CSNK1E: variants seen among roughly 807,000 people sequenced by gnomAD.
CSNK1E encodes casein kinase 1 epsilon, also known as casein kinase I isoform epsilon.
In CSNK1E, 17 loss-of-function variants were observed where a neutral mutation model predicts 46.1. The ratio of observed to expected loss-of-function variants is 0.37; its 90% confidence interval spans 0.25 to 0.55. The LOEUF is 0.55. CSNK1E is among the 20% of genes least tolerant of loss of function. The probability of loss-of-function intolerance (pLI) is 0.82; values close to 1 mark genes in which losing one functional copy is unlikely to be tolerated. For missense variants in CSNK1E, 386 were observed against 595.4 expected, an observed-to-expected ratio of 0.65 and a Z score of 3.66; for synonymous variants, 241 against 242.6, an observed-to-expected ratio of 0.99 and a Z score of 0.06.
chr22:38,293,309 G>A lies in CSNK1E; in HGVS notation c.1229C>T (p.Pro410Leu), dbSNP rs757203185. 6.2e-7 allele frequency: 1 copy of A among 1,611,956 alleles called. No individual in the cohort carries two copies. Among genetic ancestry groups the A allele is most frequent in the South Asian group, 1.1e-5 (1 of 91,006 alleles). ...SRIPASQTSV[P>L]FDHLGK ...TCCTCACTTCCCGAGATGGTCAAAT[G>A]GCACACTTGTCTTTTGAGGGTGGGG... is the stretch of plus-strand genomic sequence containing the variant. The change falls in exon 10 of 11, where the codon CCA becomes CTA. Residue 410 changes from proline (P) to leucine (L), a missense_variant. Physicochemically the swap from Pro to Leu is moderately conservative, Grantham distance 98. Coordinates refer to ENST00000396832, the MANE Select transcript of CSNK1E (RefSeq NM_152221.3).
chr22:38,308,676 G>A (rs1425447921), intron 2 of CSNK1E, among the ~76,000 whole-genome samples: 1 of 152,118 alleles, frequency 6.6e-6, no homozygotes, highest in African/African-American at 2.4e-5. Context: ...CCCTAGGCTA[G>A]AGATGAGCCG....
At chr22:38,296,728 G>A (rs1366543145) in intron 7 of CSNK1E, 4 of 1,598,954 alleles carry the variant, frequency 2.5e-6, no homozygotes, top group East Asian at 4.5e-5. Context: ...AGTCTTGTGA[G>A]ACTCCATAAG....
chr22:38,301,108 T>A (rs1438336074), intron 4 of CSNK1E, among the ~76,000 whole-genome samples, 156 bp from the exon 5 acceptor site: 1 of 152,116 alleles, frequency 6.6e-6, no homozygotes, highest in Non-Finnish European at 1.5e-5. Flanking sequence ...GAAGGCCTCC[T>A]GGAAAATGTG....
chr22:38,317,434 G>C, upstream of CSNK1E: 1 of 93,760 alleles, frequency 1.1e-5, no homozygotes, highest in Non-Finnish European at 2.0e-5. Context: ...GCGCGCTCTC[G>C]CACCGCGCGC....
Position 38,298,751 on chromosome 22 carries a change from T to A in CSNK1E, c.885+35A>T, listed in dbSNP as rs2092655095. ...CTGAGTCAGGGCCTTCCCCATCCAGTCCCCCAAGCCCGCCTTGGCCTCCAG... is the reference window on the plus strand; with the variant it reads ...CTGAGTCAGGGCCTTCCCCATCCAGACCCCCAAGCCCGCCTTGGCCTCCAG... On this transcript the variant is annotated intron_variant, in intron 7 of 10. Coordinates refer to ENST00000396832, the MANE Select transcript of CSNK1E (RefSeq NM_152221.3). This position sits in a 1 kb window ranked among gnomAD's most constrained non-coding sequence, Gnocchi z 4.2. The A allele has an allele frequency of 9.3e-6, 15 of 1,611,958 alleles. No individual in the cohort carries two copies. Among genetic ancestry groups the A allele is most frequent in the Non-Finnish European group, 1.2e-5 (14 of 1,179,184 alleles).
intron 2 of CSNK1E, among the ~76,000 whole-genome samples, chr22:38,313,112 C>A (rs1370855259): frequency 6.6e-6 from 1 of 152,202 alleles, no homozygotes; most frequent in Non-Finnish European, 1.5e-5. Context: ...ATTTCATACT[C>A]CAAGGAACCC....
rs1233016609 is a variant in CSNK1E, at chr22:38,298,705, C to A, written c.885+81G>T. On this transcript the variant is annotated intron_variant, in intron 7 of 10. Coordinates refer to ENST00000396832, the MANE Select transcript of CSNK1E (RefSeq NM_152221.3). The surrounding 1 kb of genome is among the most constrained non-coding windows in gnomAD (Gnocchi z 4.2). ...TCCCGTCTGTCGGGAGCCCCTCCCG[C>A]CACCAGCTCACTCTGGCCCTCTGAG... 1 of 1,548,516 alleles carries A rather than the reference C, an allele frequency of 6.5e-7. No individual in the cohort carries two copies. Among genetic ancestry groups the A allele is most frequent in the Non-Finnish European group, 8.9e-7 (1 of 1,127,700 alleles).
Position 38,303,311 on chromosome 22 carries a change from C to T in CSNK1E, c.77-63G>A, listed in dbSNP as rs1461716484. 6.5e-6 allele frequency: 9 copies of T among 1,381,662 alleles called. No homozygotes were observed. Among genetic ancestry groups the T allele is most frequent in the Non-Finnish European group, 7.9e-6 (8 of 1,011,996 alleles). The allele number at this position is 1,381,662 out of a possible 1,614,324, so 85.6% of individuals were successfully genotyped here. ...TCAAAGGCCAGGCAGTCCCAGGCGCCCCACTAAGCATTTCTGAGATCTGGC... is the reference window on the plus strand; with the variant it reads ...TCAAAGGCCAGGCAGTCCCAGGCGCTCCACTAAGCATTTCTGAGATCTGGC... On this transcript the variant is annotated intron_variant, in intron 2 of 10. Coordinates refer to ENST00000396832, the MANE Select transcript of CSNK1E (RefSeq NM_152221.3). This position sits in a 1 kb window ranked among gnomAD's most constrained non-coding sequence, Gnocchi z 4.7.
At chr22:38,299,813 G>T in intron 6 of CSNK1E, 82 bp downstream of exon 6, 1 of 1,503,930 alleles carries the variant, frequency 6.6e-7, no homozygotes, top group Non-Finnish European at 9.0e-7. Context: ...TAGCCCCAGC[G>T]TGGGCTTTGT....
rs1344448570 is a variant in CSNK1E at position 38,303,791 on chromosome 22, AC to A, written c.77-544del. On this transcript the variant is annotated intron_variant, in intron 2 of 10. Coordinates refer to ENST00000396832, the MANE Select transcript of CSNK1E (RefSeq NM_152221.3). The surrounding 1 kb of genome is among the most constrained non-coding windows in gnomAD (Gnocchi z 4.7). ...AATCCAGTGTCTCATTCGATTCTCA[AC>A]CCCCTTGTAGAGATGAGAAAACAGA... is the stretch of plus-strand genomic sequence containing the variant. 6.6e-6 allele frequency among the ~76,000 whole-genome samples: 1 copy of A among 151,552 alleles called. No individual in the cohort carries two copies. Among genetic ancestry groups the A allele is most frequent in the Non-Finnish European group, 1.5e-5 (1 of 67,904 alleles).
In CSNK1E at chr22:38,298,894, C is replaced by T. The variant is rs1055427092; in HGVS notation, c.777G>A (p.Arg259=). The change falls in exon 7 of 11, where the codon CGG becomes CGA. Residue 259 remains arginine (R), a synonymous_variant. Coordinates refer to ENST00000396832, the MANE Select transcript of CSNK1E (RefSeq NM_152221.3). This position sits in a 1 kb window ranked among gnomAD's most constrained non-coding sequence, Gnocchi z 4.2. ...AAGAGTAGTCGGGCTTGTCGTCAAACCGCAGGGAGCGGCAGAAGTTGAGGT... is the reference window on the plus strand; with the variant it reads ...AAGAGTAGTCGGGCTTGTCGTCAAATCGCAGGGAGCGGCAGAAGTTGAGGT... The part of the protein sequence containing the change: ...STYLNFCRSL[R]FDDKPDYSYL... 1.2e-6 allele frequency: 2 copies of T among 1,614,076 alleles called. No homozygotes were observed. Among genetic ancestry groups the T allele is most frequent in the African/African-American group, 2.7e-5 (2 of 74,924 alleles).
chr22:38,300,930 T>G lies in CSNK1E; in HGVS notation c.359A>C (p.His120Pro). 6.2e-7 allele frequency: 1 copy of G among 1,613,480 alleles called. No individual in the cohort carries two copies. The highest frequency in any genetic ancestry group is 8.5e-7 in the Non-Finnish European group (1 of 1,179,830). ...DQMISRIEYI[H>P]SKNFIHRDVK... ...GTCCCGGTGGATGAAGTTCTTGGAG[T>G]GGATATACTCGATGCGGCTGATCTG... The change falls in exon 5 of 11, where the codon CAC (histidine) becomes CCC (proline). Residue 120 changes from histidine (H) to proline (P), a missense_variant. This residue lies in a region of CSNK1E where 212 missense variants were observed against 410.2 expected (regional missense o/e 0.52). Coordinates refer to ENST00000396832, the MANE Select transcript of CSNK1E (RefSeq NM_152221.3). This position sits in a 1 kb window ranked among gnomAD's most constrained non-coding sequence, Gnocchi z 4.4.
intron 2 of CSNK1E, among the ~76,000 whole-genome samples, chr22:38,306,825 G>A (rs905147836): frequency 6.6e-6 from 1 of 152,116 alleles, no homozygotes; most frequent in Non-Finnish European, 1.5e-5. Flanking sequence ...CGCATCTGCC[G>A]ATTCAACCAT....
At chr22:38,302,753 G>T in intron 4 of CSNK1E, 108 bp downstream of exon 4, 1 of 1,284,834 alleles carries the variant, frequency 7.8e-7, no homozygotes. Context: ...CAGTGGACAA[G>T]GTCCCCTGGC....
In CSNK1E at chr22:38,298,294, C is replaced by T; in HGVS notation, c.885+492G>A. On this transcript the variant is annotated intron_variant, in intron 7 of 10. Transcript: ENST00000396832. The surrounding 1 kb of genome is among the most constrained non-coding windows in gnomAD (Gnocchi z 4.2). Reference sequence around the variant, plus strand: ...GGCCAATGCTGCTCCCCACCCAACCCCACCCCTGGGACTCTTAAAAGAGGG... The same window carrying T: ...GGCCAATGCTGCTCCCCACCCAACCTCACCCCTGGGACTCTTAAAAGAGGG... 1 of 991,972 alleles carries T rather than the reference C, an allele frequency of 1.0e-6. No homozygotes were observed. Among genetic ancestry groups the T allele is most frequent in the South Asian group, 1.4e-5 (1 of 72,230 alleles). 61.4% of individuals were successfully genotyped at this position (991,972 alleles called of 1,614,324 possible). A position where few individuals can be genotyped will look rare whatever the true frequency, so the allele number is the denominator to read the frequency against.
At chr22:38,311,402 C>A (rs1263849387) in intron 2 of CSNK1E, among the ~76,000 whole-genome samples, 1 of 152,200 alleles carries the variant, frequency 6.6e-6, no homozygotes. Context: ...AACAGGAAGT[C>A]CTGTCCCCAG....
intron 2 of CSNK1E, 36 bp downstream of exon 2, chr22:38,314,046 G>A: frequency 6.3e-7 from 1 of 1,578,928 alleles, no homozygotes; most frequent in Non-Finnish European, 8.7e-7. Flanking sequence ...CCATGGGCTG[G>A]CCCCAGGGGC....
intron 2 of CSNK1E, among the ~76,000 whole-genome samples, chr22:38,304,191 G>A (rs181992611): frequency 8.5e-5 from 13 of 152,274 alleles, no homozygotes; most frequent in Non-Finnish European, 1.9e-4. Flanking sequence ...TGTCGCAACA[G>A]GACACAAACA....
At position 38,303,112 on chromosome 22, in the gene CSNK1E, C is replaced by T; in HGVS notation, c.187+26G>A. The T allele has an allele frequency of 6.3e-7, 1 of 1,598,222 alleles. No individual in the cohort carries two copies. The highest frequency in any genetic ancestry group is 8.5e-7 in the Non-Finnish European group (1 of 1,173,098). On this transcript the variant is annotated intron_variant, in intron 3 of 10. Transcript: ENST00000396832. This position sits in a 1 kb window ranked among gnomAD's most constrained non-coding sequence, Gnocchi z 4.7. Reference sequence around the variant, plus strand: ...GCTGCCCACCGCCACCCACCCGGCGCCCGCCGCCGCCCACCCTGCGCTCAC... The same window carrying T: ...GCTGCCCACCGCCACCCACCCGGCGTCCGCCGCCGCCCACCCTGCGCTCAC...
Sources: allele counts gnomAD v4.1 joint callset (sites outside exome capture counted in the v4.1 genomes callset), GRCh38; gene constraint gnomAD v4.1.1; regional missense constraint gnomAD v4.1.1; non-coding constraint Gnocchi (gnomAD v3.1); transcripts MANE v1.5; gene names NCBI Gene and HGNC (gene_info 2026-07-23, HGNC 2026-07-21).